CYP2A6: variants seen among roughly 807,000 people sequenced by gnomAD.
The protein encoded by CYP2A6 is cytochrome P450 2A6.
Under a neutral mutation model 42.3 loss-of-function variants are expected in CYP2A6, and 27 were observed. The ratio of observed to expected loss-of-function variants is 0.64; its 90% CI spans 0.47 to 0.88. The LOEUF is 0.88. CYP2A6 is among the 40% of genes least tolerant of loss of function. CYP2A6 has a pLI of 0.00. For synonymous variants in CYP2A6, 238 were observed against 246.3 expected, an observed-to-expected ratio of 0.97 and a Z score of 0.31; for missense variants, 628 against 646.0, an observed-to-expected ratio of 0.97 and a Z score of 0.30.
rs1285384841 is a variant in CYP2A6, at chr19:40,848,209, A to T, written c.654+10T>A. 6.2e-7 allele frequency: 1 copy of T among 1,611,340 alleles called. No homozygotes were observed. The highest frequency in any genetic ancestry group is 1.3e-5 in the African/African-American group (1 of 74,740). On this transcript the variant is annotated intron_variant, in intron 4 of 8. Transcript: ENST00000301141. ...GTAGGGGCGTCACGGGCCGGGCTGCAGCCAGTTACCTGCCCCGTGGAGGTT... is the reference window on the plus strand; with the variant it reads ...GTAGGGGCGTCACGGGCCGGGCTGCTGCCAGTTACCTGCCCCGTGGAGGTT...
intron 4 of CYP2A6, among the ~76,000 whole-genome samples, chr19:40,847,449 T>C (rs1967119717): frequency 6.6e-6 from 1 of 151,362 alleles, no homozygotes; most frequent in Admixed American, 6.6e-5. Flanking sequence ...GTAGGCTTGG[T>C]TGGAGACAGC....
intron 2 of CYP2A6, among the ~76,000 whole-genome samples, chr19:40,849,045 GGAGAGAGAGAGAGAGAGAGAGAGAGA>G (rs1164660108): frequency 1.2e-4 from 3 of 24,242 alleles, no homozygotes; most frequent in African/African-American, 2.0e-4. Context: ...AAGAGAGAGA[GGAGAGAGAGAGAGAGAGAGAGAGAGA>G]GAGAGAGAGA....
intron 2 of CYP2A6, 84 bp from the exon 3 acceptor site, chr19:40,848,847 T>C: frequency 6.6e-7 from 1 of 1,505,020 alleles, no homozygotes; most frequent in Non-Finnish European, 9.0e-7. Flanking sequence ...TCCCCAAGGG[T>C]GGAGGAGAGA....
Position 40,850,310 on chromosome 19 carries a change from T to G in CYP2A6, c.117A>C (p.Pro39=). 2 of 1,610,024 alleles carry G rather than the reference T, an allele frequency of 1.2e-6. No individual in the cohort carries two copies. Among genetic ancestry groups the G allele is most frequent in the East Asian group, 4.6e-5 (2 of 43,364 alleles). ...SKGKLPPGPT[P]LPFIGNYLQL... is the part of the protein sequence containing the mutation. ...GCAGGTAGTTTCCAATGAAGGGCAA[T>G]GGGGTGGGTCCCGGAGGCAGCTTCC... Residue 39 remains proline, a synonymous_variant, in exon 1 of 9, where the codon CCA becomes CCC. Coordinates refer to ENST00000301141, the MANE Select transcript of CYP2A6 (RefSeq NM_000762.6).
chr19:40,849,033 AGAAG>A (rs1335466093), intron 2 of CYP2A6, among the ~76,000 whole-genome samples: 1 of 36,802 alleles, frequency 2.7e-5, no homozygotes, highest in African/African-American at 9.1e-5. Flanking sequence ...AGAGAGAGAG[AGAAG>A]AGAGAGAGGA....
chr19:40,844,858 C>T (rs2083447773), intron 7 of CYP2A6, 86 bp from the exon 8 acceptor site: 3 of 1,513,292 alleles, frequency 2.0e-6, no homozygotes, highest in Non-Finnish European at 2.7e-6. Flanking sequence ...AACTAGTGTG[C>T]CCCAGGTAAG....
In CYP2A6 at chr19:40,845,247, GA is replaced by G. The variant is rs2083449920; in HGVS notation, c.1161+46del. 3 of 1,607,036 alleles carry G rather than the reference GA, an allele frequency of 1.9e-6. 1 individual carries two copies. The East Asian group carries it at 6.9e-5, about 37-fold the overall frequency. On this transcript the variant is annotated intron_variant, in intron 7 of 8. Transcript: ENST00000301141. The stretch of plus-strand genomic sequence containing the variant: ...GTGGGTGGGATGCTGGGGACACAGA[GA>G]GGGGCTGGAAGTCCCCGTAGTCTGG...
chr19:40,846,845 C>T lies in CYP2A6; in HGVS notation c.831+30G>A, dbSNP rs561775706. ...ACTGATTTCCCTCTGCCTGGCTTTG[C>T]ATCTCCCCGCAGTGGCTGCTGGGGT... On this transcript the variant is annotated intron_variant, in intron 5 of 8. Coordinates refer to ENST00000301141, the MANE Select transcript of CYP2A6 (RefSeq NM_000762.6). 2.6e-5 allele frequency: 41 copies of T among 1,607,344 alleles called. 3 individuals are homozygous for T. Among genetic ancestry groups the T allele is most frequent in the Middle Eastern group, 3.3e-4 (2 of 6,054 alleles).
At chr19:40,849,150 A>G (rs536267403) in intron 2 of CYP2A6, among the ~76,000 whole-genome samples, 2 of 150,672 alleles carry the variant, frequency 1.3e-5, no homozygotes, top group East Asian at 4.1e-4. Context: ...AGAGATGCAC[A>G]TAGAAACAGA....
chr19:40,849,986 G>A lies in CYP2A6; in HGVS notation c.181-6C>T. ...GGGCCATAGCGCTCACTGATCTGAT[G>A]GAGGTGGGTGGGAGTGGTTAGAGGG... On this transcript the variant is annotated splice_polypyrimidine_tract_variant and splice_region_variant and intron_variant, in intron 1 of 8. Coordinates refer to ENST00000301141, the MANE Select transcript of CYP2A6 (RefSeq NM_000762.6). 6.2e-7 allele frequency: 1 copy of A among 1,610,406 alleles called. No homozygotes were observed. The highest frequency in any genetic ancestry group is 1.1e-5 in the South Asian group (1 of 90,800).
In CYP2A6 at chr19:40,845,336, T is replaced by C. The variant is rs779290232; in HGVS notation, c.1119A>G (p.Arg373=). ...GDVIPMSLAR[R]VKKDTKFRDF... The stretch of plus-strand genomic sequence containing the variant: ...CCCGAAACTTGGTGTCCTTTTTGAC[T>C]CTGCGGGCCAAACTCATGGGGATCA... Residue 373 remains arginine, a synonymous_variant, in exon 7 of 9, where the codon AGA becomes AGG. Coordinates refer to ENST00000301141, the MANE Select transcript of CYP2A6 (RefSeq NM_000762.6). 6.3e-5 allele frequency: 102 copies of C among 1,611,320 alleles called. 1 individual carries two copies. Among genetic ancestry groups the C allele is most frequent in the Non-Finnish European group, 7.7e-5 (91 of 1,179,840 alleles).
intron 2 of CYP2A6, among the ~76,000 whole-genome samples, chr19:40,849,047 A>AGAG (rs1282177290): frequency 9.0e-5 from 8 of 89,316 alleles, no homozygotes; most frequent in Non-Finnish European, 1.9e-4. Flanking sequence ...GAGAGAGAGG[A>AGAG]GAGAGAGAGA....
rs151062237 is a variant in CYP2A6, at chr19:40,844,632, G to C, written c.1302C>G (p.Ile434Met). The change falls in exon 8 of 9, where the codon ATC becomes ATG. Residue 434 changes from isoleucine to methionine, a missense_variant and splice_region_variant. Around this residue, in one of 2 missense-constraint regions of CYP2A6, gnomAD observed 606 missense variants for 568.1 expected, o/e 1.07. Transcript: ENST00000301141. The stretch of plus-strand genomic sequence containing the variant: ...TGGCAGCAAACAGTGGTCTCTTACC[G>C]ATGGAAAAGGGCACAAAAGCATCAC... ...KKSDAFVPFS[I>M]GKRNCFGEGL... 3 of 1,611,516 alleles carry C rather than the reference G, an allele frequency of 1.9e-6. No homozygotes were observed. The highest frequency in any genetic ancestry group is 2.5e-6 in the Non-Finnish European group (3 of 1,179,808).
At chr19:40,849,124 CAGAA>C (rs1011727602) in intron 2 of CYP2A6, among the ~76,000 whole-genome samples, 1 of 123,442 alleles carries the variant, frequency 8.1e-6, no homozygotes, top group Non-Finnish European at 1.6e-5. Flanking sequence ...AGAAAAGAAA[CAGAA>C]AGGCCAGACA....
chr19:40,845,557 G>A (rs2083452291), intron 6 of CYP2A6, 76 bp from the exon 7 acceptor site: 13 of 1,581,450 alleles, frequency 8.2e-6, no homozygotes, highest in Non-Finnish European at 1.1e-5. Context: ...TAGGCAAAAT[G>A]GGGTGGATGA....
intron 6 of CYP2A6, among the ~76,000 whole-genome samples, chr19:40,845,736 G>T (rs1314374907): frequency 3.3e-5 from 5 of 151,450 alleles, no homozygotes; most frequent in South Asian, 2.1e-4. Flanking sequence ...GCACTCAGTG[G>T]GCTTGGGACA....
rs774076511 is a variant in CYP2A6, at chr19:40,850,403, C to T, written c.24G>A (p.Leu8=). MLASGML[L]VALLVCLTVM... is the part of the protein sequence containing the mutation. ...CAGTCAGGCAGACCAGCAAGGCCAC[C>T]AGAAGCATCCCTGAGGCCAGCATGG... The change falls in exon 1 of 9, where the codon CTG becomes CTA. Residue 8 remains leucine, a synonymous_variant. Transcript: ENST00000301141. The T allele has an allele frequency of 5.0e-6, 8 of 1,609,714 alleles. 1 individual carries two copies. Among genetic ancestry groups the T allele is most frequent in the African/African-American group, 1.3e-5 (1 of 74,626 alleles).
chr19:40,848,510 G>A, intron 3 of CYP2A6, 104 bp downstream of exon 3: 4 of 1,577,444 alleles, frequency 2.5e-6, no homozygotes, highest in Non-Finnish European at 3.4e-6. Context: ...GGAAGTGCGG[G>A]CGCCTTTCCC....
At position 40,846,902 on chromosome 19, in the gene CYP2A6, A is replaced by C. The variant is rs55805386; in HGVS notation, c.804T>G (p.Ile268Met). Residue 268 changes from isoleucine (I) to methionine (M), a missense_variant, in exon 5 of 9, where the codon ATT becomes ATG. Around this residue, in one of 2 missense-constraint regions of CYP2A6, gnomAD observed 606 missense variants for 568.1 expected, o/e 1.07. Transcript: ENST00000301141. ...CCTGCATGCGGATGAGAAAGGAGTC[A>C]ATGAAGTCCCGTGGGGAATTGGGAT... ...TLDPNSPRDFIDSFLIRMQEE... is the reference protein window; with the variant it reads ...TLDPNSPRDFMDSFLIRMQEE... 11 of 1,573,818 alleles carry C rather than the reference A, an allele frequency of 7.0e-6. No individual in the cohort carries two copies. Among genetic ancestry groups the C allele is most frequent in the Non-Finnish European group, 8.7e-6 (10 of 1,151,502 alleles).
Sources: allele counts gnomAD v4.1 joint callset (sites outside exome capture counted in the v4.1 genomes callset), GRCh38; gene constraint gnomAD v4.1.1; regional missense constraint gnomAD v4.1.1; transcripts MANE v1.5; gene names NCBI Gene and HGNC (gene_info 2026-07-23, HGNC 2026-07-21).